AXL: variants seen among roughly 807,000 people sequenced by gnomAD.
AXL encodes the protein AXL receptor tyrosine kinase, also known as tyrosine-protein kinase receptor UFO.
AXL carries 52 observed loss-of-function variants against 104.5 expected under a neutral mutation model. The observed-to-expected ratio is 0.50, with a 90% CI of 0.40 to 0.63. The LOEUF (loss-of-function observed/expected upper bound fraction) is 0.63. Among genes scored for constraint, AXL ranks in the 20% least tolerant of loss-of-function variants. The pLI is 0.00. For missense variants in AXL, 1,024 were observed against 1,188.5 expected, an observed-to-expected ratio of 0.86 and a Z score of 2.04; for synonymous variants, 455 against 473.7, an observed-to-expected ratio of 0.96 and a Z score of 0.51.
Position 41,243,701 on chromosome 19 carries a change from GC to G in AXL, c.1532del (p.Ala511ValfsTer3). 1 of 1,613,740 alleles carries G rather than the reference GC, an allele frequency of 6.2e-7. No homozygotes were observed. Among genetic ancestry groups the G allele is most frequent in the South Asian group, 1.1e-5 (1 of 91,082 alleles). ...GTCCTACAGTCGTCGGACCACTGAA[GC>G]TACCTGTAAGTGAACCCTATGCCCC... ...RKSYSRRTTE[A>X]TLNSLGISEE... On this transcript the variant is annotated frameshift_variant, in exon 12 of 20. Transcript: ENST00000301178. LOFTEE classifies it high-confidence loss of function.
At chr19:41,242,473 C>T (rs190521897) in intron 10 of AXL, among the ~76,000 whole-genome samples, 60 of 152,046 alleles carry the variant, frequency 3.9e-4, no homozygotes, top group African/African-American at 1.4e-3. Context: ...CAGGTGTGCA[C>T]CACCACCCCA....
chr19:41,252,554 C>T (rs544671791), intron 15 of AXL, 111 bp downstream of exon 15: 22 of 1,280,548 alleles, frequency 1.7e-5, no homozygotes, highest in South Asian at 7.8e-5. Flanking sequence ...TCCTGCTCCC[C>T]GCTCCTTCAG....
intron 2 of AXL, 139 bp downstream of exon 2, chr19:41,220,997 T>A (rs1468567628): frequency 4.1e-6 from 5 of 1,210,804 alleles, no homozygotes; most frequent in Non-Finnish European, 5.8e-6. Context: ...GGTTTCGTTT[T>A]CCTCTTCTGC....
intron 18 of AXL, among the ~76,000 whole-genome samples, chr19:41,257,124 G>A (rs2034465300): frequency 6.6e-6 from 1 of 152,012 alleles, no homozygotes; most frequent in South Asian, 2.1e-4. Context: ...GCTCACTGCA[G>A]ACTCTGCCTC....
rs138219571 is a variant in AXL at position 41,238,548 on chromosome 19, C to T, written c.1073C>T (p.Ala358Val). ...QAFVHWQEPR[A>V]PLQGTLLGYR... is the part of the protein sequence containing the mutation. ...TTCGTGCATTGGCAAGAGCCCCGGGCGCCCCTGCAGGGTACCCTGTTAGGG... is the reference window on the plus strand; with the variant it reads ...TTCGTGCATTGGCAAGAGCCCCGGGTGCCCCTGCAGGGTACCCTGTTAGGG... The change falls in exon 8 of 20, where the codon GCG becomes GTG. Residue 358 changes from alanine (A) to valine (V), a missense_variant. Coordinates refer to ENST00000301178, the MANE Select transcript of AXL (RefSeq NM_021913.5). The T allele has an allele frequency of 3.0e-5, 49 of 1,613,838 alleles. No homozygotes were observed. Among genetic ancestry groups the T allele is most frequent in the Non-Finnish European group, 4.0e-5 (47 of 1,179,930 alleles).
Position 41,238,147 on chromosome 19 carries a change from G to A in AXL, c.987G>A (p.Pro329=), listed in dbSNP as rs368468222. ...SWTHWLPVET[P]EGVPLGPPEN... is the part of the protein sequence containing the mutation. ...CCCACTGGCTTCCTGTGGAGACGCC[G>A]GAGGGAGGTAAGAAGGGTTGGGGAG... Residue 329 remains proline, a synonymous_variant, in exon 7 of 20, where the codon CCG becomes CCA. Transcript: ENST00000301178. 6.8e-6 allele frequency: 11 copies of A among 1,613,918 alleles called. No homozygotes were observed. In the African/African-American group the frequency reaches 9.3e-5, roughly 14 times the overall value.
At chr19:41,223,298 A>G (rs1178249999) in intron 4 of AXL, among the ~76,000 whole-genome samples, 1 of 152,158 alleles carries the variant, frequency 6.6e-6, no homozygotes, top group East Asian at 1.9e-4. Flanking sequence ...CTGTCTCAAA[A>G]CGAAAAACAA....
chr19:41,223,163 C>T (rs867399062), intron 4 of AXL, among the ~76,000 whole-genome samples: 3 of 151,736 alleles, frequency 2.0e-5, no homozygotes, highest in East Asian at 1.9e-4. Context: ...GGCGTGGTGA[C>T]GGGCATCTGT....
At chr19:41,219,882 A>C (rs2033754879) in intron 1 of AXL, among the ~76,000 whole-genome samples, 1 of 151,418 alleles carries the variant, frequency 6.6e-6, no homozygotes, top group East Asian at 2.0e-4. Context: ...CCTGGGGGAA[A>C]ACGCTTCTCC....
At chr19:41,222,154 G>C in intron 4 of AXL, 98 bp downstream of exon 4, 1 of 1,264,176 alleles carries the variant, frequency 7.9e-7, no homozygotes, top group South Asian at 1.6e-5. Flanking sequence ...GTGTCTGACT[G>C]TCCTTCTGTC....
intron 6 of AXL, among the ~76,000 whole-genome samples, chr19:41,231,949 C>CAA (rs56711584): frequency 0.065 from 9,449 of 146,480 alleles, 411 homozygotes; most frequent in South Asian, 0.2. Context: ...GAAACAACAA[C>CAA]AAAAAAAATT....
chr19:41,249,577 G>A (rs1006660029), intron 14 of AXL, among the ~76,000 whole-genome samples: 7 of 152,020 alleles, frequency 4.6e-5, no homozygotes, highest in Admixed American at 6.6e-5. Context: ...TCTGCATAGC[G>A]AAACCCCACC....
chr19:41,232,233 C>T (rs1226576590), intron 6 of AXL, among the ~76,000 whole-genome samples: 1 of 152,180 alleles, frequency 6.6e-6, no homozygotes, highest in East Asian at 1.9e-4. Flanking sequence ...CAGCACAGGA[C>T]CAGACATAGA....
At position 41,221,916 on chromosome 19, in the gene AXL, C is replaced by T. The variant is rs775837762; in HGVS notation, c.446C>T (p.Thr149Ile). The T allele has an allele frequency of 1.2e-6, 2 of 1,613,782 alleles. No homozygotes were observed. The highest frequency in any genetic ancestry group is 2.2e-5 in the South Asian group (2 of 91,020). Residue 149 changes from threonine to isoleucine, a missense_variant, in exon 4 of 20, where the codon ACT becomes ATT. By Grantham distance (89) the Thr-to-Ile change is moderately conservative. This residue lies in a region of AXL where 332 missense variants were observed against 343.9 expected (regional missense o/e 0.97). Transcript: ENST00000301178. Reference sequence around the variant, plus strand: ...TTCCTGGAGGAGCCCGAAGACAGGACTGTGGCCGCCAACACCCCCTTCAAC... The same window carrying T: ...TTCCTGGAGGAGCCCGAAGACAGGATTGTGGCCGCCAACACCCCCTTCAAC... Reference protein sequence around the residue: ...PYFLEEPEDRTVAANTPFNLS... With the variant: ...PYFLEEPEDRIVAANTPFNLS...
intron 7 of AXL, 33 bp from the exon 8 acceptor site, chr19:41,238,437 G>T (rs745801504): frequency 3.1e-6 from 5 of 1,595,730 alleles, no homozygotes; most frequent in Non-Finnish European, 4.3e-6. Flanking sequence ...GAAGAGGTGG[G>T]GGTGCCAGCT....
chr19:41,245,820 C>T (rs775305870), intron 12 of AXL, among the ~76,000 whole-genome samples: 6 of 151,862 alleles, frequency 4.0e-5, no homozygotes, highest in Non-Finnish European at 8.8e-5. Context: ...GCGAGAAAGC[C>T]GCCAGGGCCC....
At chr19:41,244,943 T>C (rs1435520137) in intron 12 of AXL, among the ~76,000 whole-genome samples, 1 of 152,020 alleles carries the variant, frequency 6.6e-6, no homozygotes, top group African/African-American at 2.4e-5. Flanking sequence ...TATTTTTTTT[T>C]TTTTTTTGAT....
At chr19:41,237,559 G>C (rs2034102031) in intron 6 of AXL, among the ~76,000 whole-genome samples, 1 of 152,072 alleles carries the variant, frequency 6.6e-6, no homozygotes, top group Non-Finnish European at 1.5e-5. Context: ...CGTTATTATT[G>C]TCATCACACT....
chr19:41,220,710 C>A lies in AXL; in HGVS notation c.160C>A (p.Leu54Ile), dbSNP rs765631388. Residue 54 changes from leucine to isoleucine, a missense_variant, in exon 2 of 20, where the codon CTT becomes ATT. Transcript: ENST00000301178. ...AGGTGCCCGGGGACTCACGGGCACCCTTCGGTGTCAGCTCCAGGTTCAGGG... is the reference window on the plus strand; with the variant it reads ...AGGTGCCCGGGGACTCACGGGCACCATTCGGTGTCAGCTCCAGGTTCAGGG... ...ITGARGLTGT[L>I]RCQLQVQGEP... 7 of 1,613,714 alleles carry A rather than the reference C, an allele frequency of 4.3e-6. No homozygotes were observed. Among genetic ancestry groups the A allele is most frequent in the Non-Finnish European group, 5.9e-6 (7 of 1,179,794 alleles).
Sources: gnomAD v4.1 joint callset for allele counts (sites outside exome capture counted in the v4.1 genomes callset) on GRCh38, gnomAD v4.1.1 for gene constraint, gnomAD v4.1.1 regional missense constraint, MANE v1.5 for transcripts, NCBI Gene and HGNC (gene_info 2026-07-23, HGNC 2026-07-21) for gene names.